INKA2: variants seen among roughly 807,000 people sequenced by gnomAD.
INKA2 encodes the protein PAK4-inhibitor INKA2.
INKA2 carries 3 observed loss-of-function variants against 9.8 expected under a neutral mutation model. The observed-to-expected ratio is 0.31, with a 90% CI of 0.14 to 0.79. The LOEUF is 0.79. Among genes scored for constraint, INKA2 ranks in the 30% least tolerant of loss-of-function variants. The pLI is 0.62. For missense variants in INKA2, 392 were observed against 384.4 expected, an observed-to-expected ratio of 1.02 and a Z score of -0.17; for synonymous variants, 147 against 143.3, an observed-to-expected ratio of 1.03 and a Z score of -0.18.
In INKA2 at chr1:111,723,469, C is replaced by G. The variant is rs1662695231; in HGVS notation, c.*3499G>C. ...AGGGACTCTTTTCTGTTCCCTGGGC[C>G]ACAAAGAAGCAGGTGGAACCTTCCA... On this transcript the variant is annotated 3_prime_UTR_variant, in exon 2 of 2. Transcript: ENST00000357260. 1 of 265,048 alleles carries G rather than the reference C, an allele frequency of 3.8e-6. No individual in the cohort carries two copies. Among genetic ancestry groups the G allele is most frequent in the African/African-American group, 2.2e-5 (1 of 44,920 alleles). The allele number at this position is 265,048 out of a possible 1,614,324, so 16.4% of individuals were successfully genotyped here. A position where few individuals can be genotyped will look rare whatever the true frequency, so the allele number is the denominator to read the frequency against.
rs1336563218 is a variant in INKA2, at chr1:111,739,102, C to G, written c.57+84G>C. 9 of 1,378,718 alleles carry G rather than the reference C, an allele frequency of 6.5e-6. No homozygotes were observed. In the South Asian group the frequency reaches 9.5e-5, roughly 15 times the overall value. The allele number at this position is 1,378,718 out of a possible 1,614,324, so 85.4% of individuals were successfully genotyped here. A position where few individuals can be genotyped will look rare whatever the true frequency, so the allele number is the denominator to read the frequency against. On this transcript the variant is annotated intron_variant, in intron 1 of 1. Coordinates refer to ENST00000357260, the MANE Select transcript of INKA2 (RefSeq NM_019099.5). ...GCCCTCCTCCGCCCTGCTTACGTCC[C>G]GGCTCCCCGGGGGCCGGGGCGGAGA...
At position 111,753,476 on chromosome 1, in the gene INKA2, T is replaced by C. The variant is rs367936335; in HGVS notation, n.124+2225A>G. 1.8e-4 allele frequency among the ~76,000 whole-genome samples: 28 copies of C among 152,358 alleles called. No homozygotes were observed. In the South Asian group the frequency reaches 5.6e-3, roughly 30 times the overall value. On this transcript the variant is annotated intron_variant and non_coding_transcript_variant, in intron 1 of 1. Coordinates refer to the INKA2 transcript ENST00000444059. ...GAAAAAAAATTTGTGTTATTCACCA[T>C]GGTTCCCAATAACATTACTGCAATA...
Position 111,727,576 on chromosome 1 carries a change from G to T in INKA2, c.286C>A (p.Gln96Lys). ...TTGGTGCTGCTGCCAAGAGAAGGTT[G>T]ACTGGAGGGGGAACAGACTGTGGGC... is the stretch of plus-strand genomic sequence containing the variant. The part of the protein sequence containing the change: ...ARPTVCSPSS[Q>K]PSLGSSTKFP... Residue 96 changes from glutamine (Q) to lysine (K), a missense_variant, in exon 2 of 2, where the codon CAA (glutamine) becomes AAA (lysine). Coordinates refer to ENST00000357260, the MANE Select transcript of INKA2 (RefSeq NM_019099.5). The T allele has an allele frequency of 6.2e-7, 1 of 1,612,518 alleles. No homozygotes were observed. The highest frequency in any genetic ancestry group is 8.5e-7 in the Non-Finnish European group (1 of 1,179,174).
Position 111,722,956 on chromosome 1 carries a change from C to T in INKA2, c.*4012G>A. ...GCATTATGTCCTTTAAATCTCACAG[C>T]AGCCCCACATTATCACCTTTCACAG... On this transcript the variant is annotated 3_prime_UTR_variant, in exon 2 of 2. Coordinates refer to ENST00000357260, the MANE Select transcript of INKA2 (RefSeq NM_019099.5). 2 of 642,044 alleles carry T rather than the reference C, an allele frequency of 3.1e-6. No homozygotes were observed. Among genetic ancestry groups the T allele is most frequent in the Non-Finnish European group, 5.6e-6 (2 of 356,102 alleles). The allele number at this position is 642,044 out of a possible 1,614,324, so 39.8% of individuals were successfully genotyped here. A position where few individuals can be genotyped will look rare whatever the true frequency, so the allele number is the denominator to read the frequency against.
intron 1 of INKA2, 83 bp downstream of exon 1, chr1:111,739,103 G>A: frequency 2.9e-6 from 4 of 1,379,560 alleles, no homozygotes; most frequent in Non-Finnish European, 4.1e-6. Context: ...CTTACGTCCC[G>A]GCTCCCCGGG....
chr1:111,739,525 G>A, upstream of INKA2: 4 of 980,752 alleles, frequency 4.1e-6, no homozygotes, highest in Non-Finnish European at 5.6e-6. Context: ...CTGGGCGGCC[G>A]AGGCGGACCC....
At chr1:111,752,425 C>T (rs1022992444) in intron 1 of INKA2, among the ~76,000 whole-genome samples, 2 of 152,212 alleles carry the variant, frequency 1.3e-5, no homozygotes, top group African/African-American at 4.8e-5. Context: ...AGTGCAGAGG[C>T]TCTGTTTACT....
At chr1:111,743,519 G>A (rs974053541), upstream of INKA2, among the ~76,000 whole-genome samples, 5 of 152,104 alleles carry the variant, frequency 3.3e-5, no homozygotes, top group Admixed American at 1.3e-4. Flanking sequence ...AAATGAAGAG[G>A]CAGAACCAGT....
intron 1 of INKA2, among the ~76,000 whole-genome samples, chr1:111,750,287 T>C (rs1490998845): frequency 1.3e-5 from 2 of 152,224 alleles, no homozygotes; most frequent in African/African-American, 4.8e-5. Flanking sequence ...TAGTTCTCCC[T>C]CTTTCCTAAT....
chr1:111,723,704 C>T lies in INKA2; in HGVS notation c.*3264G>A, dbSNP rs1399978581. 6.6e-6 allele frequency: 1 copy of T among 152,556 alleles called. No homozygotes were observed. Among genetic ancestry groups the T allele is most frequent in the African/African-American group, 2.4e-5 (1 of 41,450 alleles). The allele number at this position is 152,556 out of a possible 1,614,324, so 9.5% of individuals were successfully genotyped here. A position where few individuals can be genotyped will look rare whatever the true frequency, so the allele number is the denominator to read the frequency against. On this transcript the variant is annotated 3_prime_UTR_variant, in exon 2 of 2. Coordinates refer to ENST00000357260, the MANE Select transcript of INKA2 (RefSeq NM_019099.5). The stretch of plus-strand genomic sequence containing the variant: ...TCTCCTCCACATACACACTGCTTAC[C>T]TCTCCCTACACCTTCCTGTATACTT...
chr1:111,723,234 C>A lies in INKA2; in HGVS notation c.*3734G>T, dbSNP rs992829982. The A allele has an allele frequency of 1.2e-5, 7 of 597,684 alleles. No individual in the cohort carries two copies. The highest frequency in any genetic ancestry group is 9.5e-5 in the African/African-American group (5 of 52,862). The allele number at this position is 597,684 out of a possible 1,614,324, so 37.0% of individuals were successfully genotyped here. A position where few individuals can be genotyped will look rare whatever the true frequency, so the allele number is the denominator to read the frequency against. On this transcript the variant is annotated 3_prime_UTR_variant, in exon 2 of 2. Coordinates refer to ENST00000357260, the MANE Select transcript of INKA2 (RefSeq NM_019099.5). ...GTGTGACTTGGGAAAGATGGAGGAG[C>A]CTCTCCCCAACAAGGCCCTAGGGAG...
rs370286029 is a variant in INKA2, at chr1:111,755,741, C to T, written n.84G>A. ...TCCTCTCCTCCCTCTTGGGGCTTTC[C>T]TCAGGCCACATTTTTTGTGTGTCTG... is the stretch of plus-strand genomic sequence containing the variant. On this transcript the variant is annotated non_coding_transcript_exon_variant, in exon 1 of 2. Coordinates refer to the INKA2 transcript ENST00000444059. 6 of 1,613,830 alleles carry T rather than the reference C, an allele frequency of 3.7e-6. No homozygotes were observed. In the Admixed American group the frequency reaches 5.0e-5, roughly 13 times the overall value.
chr1:111,740,386 G>A (rs1379248867), upstream of INKA2, among the ~76,000 whole-genome samples: 2 of 152,186 alleles, frequency 1.3e-5, no homozygotes, highest in Non-Finnish European at 2.9e-5. Flanking sequence ...CAGACCGGTG[G>A]GGGGTGCTCC....
chr1:111,744,128 T>C (rs1024838844), upstream of INKA2, among the ~76,000 whole-genome samples: 3 of 152,216 alleles, frequency 2.0e-5, no homozygotes, highest in African/African-American at 7.2e-5. Context: ...CATCTTCCTT[T>C]GTCCACCTTA....
intron 1 of INKA2, among the ~76,000 whole-genome samples, chr1:111,733,412 T>C (rs1485442904): frequency 1.3e-5 from 2 of 152,168 alleles, no homozygotes; most frequent in Non-Finnish European, 2.9e-5. Flanking sequence ...GCCAACGAGC[T>C]TTCCATGTCA....
At chr1:111,739,150 C>T (rs780963111) in intron 1 of INKA2, 36 bp downstream of exon 1, 13 of 1,598,242 alleles carry the variant, frequency 8.1e-6, no homozygotes, top group Non-Finnish European at 1.0e-5. Flanking sequence ...CGGGGCGGAG[C>T]AGCCCTCCCT....
At chr1:111,744,890 A>G (rs1426253161) in intron 1 of INKA2, among the ~76,000 whole-genome samples, 1 of 152,078 alleles carries the variant, frequency 6.6e-6, no homozygotes, top group African/African-American at 2.4e-5. Flanking sequence ...ACTTCTTTAT[A>G]AAGTCACTGG....
At chr1:111,753,030 A>C (rs371352009) in intron 1 of INKA2, 1 of 152,204 alleles carries the variant, frequency 6.6e-6, no homozygotes, top group Admixed American at 6.5e-5. Context: ...AGAAGCCTCC[A>C]GTGCAAAATG....
chr1:111,724,433 A>T lies in INKA2; in HGVS notation c.*2535T>A, dbSNP rs1046354684. 1 of 152,278 alleles carries T rather than the reference A, an allele frequency of 6.6e-6. No individual in the cohort carries two copies. Among genetic ancestry groups the T allele is most frequent in the Non-Finnish European group, 1.5e-5 (1 of 68,052 alleles). The allele number at this position is 152,278 out of a possible 1,614,324, so 9.4% of individuals were successfully genotyped here. A position where few individuals can be genotyped will look rare whatever the true frequency, so the allele number is the denominator to read the frequency against. ...AAGTACCTTGGTTTCCCACAGACTC[A>T]TTCCAGACTTGGAGCTGGTGTCATC... is the stretch of plus-strand genomic sequence containing the variant. On this transcript the variant is annotated 3_prime_UTR_variant, in exon 2 of 2. Coordinates refer to ENST00000357260, the MANE Select transcript of INKA2 (RefSeq NM_019099.5).
Sources: gnomAD v4.1 joint callset for allele counts (sites outside exome capture counted in the v4.1 genomes callset) on GRCh38, gnomAD v4.1.1 for gene constraint, MANE v1.5 for transcripts, NCBI Gene and HGNC (gene_info 2026-07-23, HGNC 2026-07-21) for gene names.